The following NEK1 variants were observed in gnomAD, a reference collection of about 807,000 sequenced individuals.
The protein encoded by NEK1 is NIMA related kinase 1, also known as serine/threonine-protein kinase Nek1.
Under a neutral mutation model 182.1 loss-of-function variants are expected in NEK1, and 137 were observed. The ratio of observed to expected loss-of-function variants is 0.75; its 90% confidence interval spans 0.65 to 0.87. NEK1 has a LOEUF of 0.87. Ranked by LOEUF, NEK1 falls within the 40% of genes least tolerant of loss-of-function variation. NEK1 has a pLI of 0.00. For missense variants in NEK1, 1,391 were observed against 1,494.4 expected (o/e 0.93, Z 1.14); for synonymous variants, 513 against 492.2 (o/e 1.04, Z -0.56).
intron 19 of NEK1, among the ~76,000 whole-genome samples, chr4:169,521,461 G>A (rs1194146317): frequency 2.6e-5 from 4 of 151,396 alleles, no homozygotes; most frequent in African/African-American, 4.9e-5. Context: ...GAAATCACCC[G>A]TCTTCTGCGT....
At chr4:169,570,107 C>T (rs961851574) in intron 12 of NEK1, among the ~76,000 whole-genome samples, 1 of 151,670 alleles carries the variant, frequency 6.6e-6, no homozygotes, top group African/African-American at 2.4e-5. Context: ...GCCTGGCCGC[C>T]CATCGTCTGA....
At chr4:169,561,155 CT>C (rs1762840713) in intron 16 of NEK1, among the ~76,000 whole-genome samples, 1 of 152,058 alleles carries the variant, frequency 6.6e-6, no homozygotes, top group South Asian at 2.1e-4. Context: ...ATCTTCAAGG[CT>C]ACATGAAATT....
intron 12 of NEK1, among the ~76,000 whole-genome samples, chr4:169,575,556 G>A (rs1194893111): frequency 6.6e-6 from 1 of 152,178 alleles, no homozygotes; most frequent in Non-Finnish European, 1.5e-5. Flanking sequence ...GAATTCTGCT[G>A]GTGCCTCAGC....
chr4:169,557,575 A>G (rs1336619683), intron 16 of NEK1, among the ~76,000 whole-genome samples: 1 of 152,170 alleles, frequency 6.6e-6, no homozygotes, highest in Non-Finnish European at 1.5e-5. Context: ...AGAAGCCACA[A>G]TAATGAGAGT....
At chr4:169,598,713 T>G (rs1769971852) in intron 5 of NEK1, among the ~76,000 whole-genome samples, 2 of 152,192 alleles carry the variant, frequency 1.3e-5, no homozygotes, top group Non-Finnish European at 2.9e-5. Flanking sequence ...AGATTAGATT[T>G]AATGCAGTTG....
At position 169,612,359 on chromosome 4, in the gene NEK1, G is replaced by C. The variant is rs1275630799; in HGVS notation, c.-310C>G. ...CCGTAGAAACGGCGGGGTGCAGCAGGGGGAGTGCCTCCGTTACCGCCTCTC... is the reference window on the plus strand; with the variant it reads ...CCGTAGAAACGGCGGGGTGCAGCAGCGGGAGTGCCTCCGTTACCGCCTCTC... On this transcript the variant is annotated 5_prime_UTR_variant, in exon 1 of 36. Coordinates refer to ENST00000507142, the MANE Select transcript of NEK1 (RefSeq NM_001199397.3). The C allele has an allele frequency of 6.6e-6, 1 of 152,316 alleles. No individual in the cohort carries two copies. The highest frequency in any genetic ancestry group is 1.5e-5 in the Non-Finnish European group (1 of 68,130). The allele number at this position is 152,316 out of a possible 1,614,324, so 9.4% of individuals were successfully genotyped here.
intron 27 of NEK1, among the ~76,000 whole-genome samples, chr4:169,442,642 G>A (rs1483270509): frequency 6.6e-6 from 1 of 152,148 alleles, no homozygotes; most frequent in African/African-American, 2.4e-5. Context: ...TAAAATTAAA[G>A]CTAAGTGAGG....
chr4:169,494,514 T>G (rs1750776492), intron 23 of NEK1, among the ~76,000 whole-genome samples: 2 of 152,200 alleles, frequency 1.3e-5, no homozygotes, highest in Admixed American at 1.3e-4. Flanking sequence ...ACATCTGGGT[T>G]GGTTCCAAGT....
chr4:169,467,454 A>T (rs1304638571), intron 26 of NEK1, among the ~76,000 whole-genome samples: 1 of 152,186 alleles, frequency 6.6e-6, no homozygotes, highest in Non-Finnish European at 1.5e-5. Flanking sequence ...GCAAACACTG[A>T]AATAACAATG....
chr4:169,578,707 T>A (rs1307601388), intron 11 of NEK1, among the ~76,000 whole-genome samples: 1 of 152,174 alleles, frequency 6.6e-6, no homozygotes, highest in Non-Finnish European at 1.5e-5. Flanking sequence ...TTATAATAAA[T>A]ATCTATTTTG....
chr4:169,547,884 A>G (rs1011610392), intron 18 of NEK1, among the ~76,000 whole-genome samples: 1 of 152,064 alleles, frequency 6.6e-6, no homozygotes, highest in Non-Finnish European at 1.5e-5. Flanking sequence ...CCTTTTCTCA[A>G]GGTTCTTAGC....
intron 28 of NEK1, 83 bp from the exon 29 acceptor site, chr4:169,433,748 C>T: frequency 7.3e-7 from 1 of 1,377,190 alleles, no homozygotes; most frequent in South Asian, 1.3e-5. Context: ...TAAATTATTG[C>T]TACCTAGTTT....
intron 23 of NEK1, among the ~76,000 whole-genome samples, chr4:169,494,945 G>A (rs973343490): frequency 1.3e-5 from 2 of 152,128 alleles, no homozygotes; most frequent in African/African-American, 4.8e-5. Context: ...TGATGGCGTT[G>A]TTCTTTTCTT....
intron 32 of NEK1, among the ~76,000 whole-genome samples, chr4:169,405,107 T>G (rs1732365529): frequency 6.6e-6 from 1 of 152,218 alleles, no homozygotes; most frequent in Non-Finnish European, 1.5e-5. Context: ...AGCACAGTCA[T>G]GAATTGCTTA....
At chr4:169,578,481 C>A (rs1039843869) in intron 11 of NEK1, among the ~76,000 whole-genome samples, 1 of 152,092 alleles carries the variant, frequency 6.6e-6, no homozygotes, top group African/African-American at 2.4e-5. Context: ...AAAAATTTAA[C>A]TGGTAGTTCA....
intron 5 of NEK1, among the ~76,000 whole-genome samples, chr4:169,596,972 G>A (rs1182838120): frequency 1.3e-5 from 2 of 151,890 alleles, no homozygotes; most frequent in African/African-American, 4.8e-5. Flanking sequence ...AGGAAGACAA[G>A]ATACACACAC....
intron 10 of NEK1, among the ~76,000 whole-genome samples, chr4:169,582,559 C>G (rs1766835277): frequency 6.6e-6 from 1 of 152,080 alleles, no homozygotes; most frequent in Non-Finnish European, 1.5e-5. Flanking sequence ...TTTTCCTTTT[C>G]TTTTTCTTGG....
At chr4:169,425,279 C>T (rs1351012644) in intron 30 of NEK1, among the ~76,000 whole-genome samples, 4 of 152,118 alleles carry the variant, frequency 2.6e-5, no homozygotes, top group East Asian at 3.9e-4. Flanking sequence ...ATAAAATTAG[C>T]TGGGTGTAGT....
At chr4:169,479,379 A>G in intron 24 of NEK1, 24 bp downstream of exon 24, 1 of 1,588,394 alleles carries the variant, frequency 6.3e-7, no homozygotes, top group Non-Finnish European at 8.6e-7. Flanking sequence ...GACTTTGAGG[A>G]GTTCTGAATC....
Sources: gnomAD v4.1 joint callset for allele counts (sites outside exome capture counted in the v4.1 genomes callset) on GRCh38, gnomAD v4.1.1 for gene constraint, MANE v1.5 for transcripts, NCBI Gene and HGNC (gene_info 2026-07-23, HGNC 2026-07-21) for gene names.